Variants in GREB1 observed in about 807,000 individuals in gnomAD.
The protein encoded by GREB1 is protein GREB1.
GREB1 carries 106 observed loss-of-function variants against 200.7 expected under a neutral mutation model. The observed-to-expected ratio is 0.53, with a 90% CI of 0.45 to 0.62. GREB1 has a LOEUF of 0.62. GREB1 is among the 20% of genes least tolerant of loss of function. The pLI is 0.00. For missense variants in GREB1, 2,243 were observed against 2,556.8 expected, an observed-to-expected ratio of 0.88 and a Z score of 2.65; for synonymous variants, 1,132 against 1,092.4, an observed-to-expected ratio of 1.04 and a Z score of -0.72.
chr2:11,579,030 C>T (rs965710930), intron 6 of GREB1, among the ~76,000 whole-genome samples: 4 of 152,222 alleles, frequency 2.6e-5, no homozygotes, highest in Admixed American at 6.5e-5. Context: ...ACTTCCTAAG[C>T]ATGGCGATTG....
At chr2:11,619,046 T>C in intron 22 of GREB1, 127 bp downstream of exon 22, 1 of 961,778 alleles carries the variant, frequency 1.0e-6, no homozygotes, top group Non-Finnish European at 1.5e-6. Flanking sequence ...GGTGGAATCT[T>C]CTCCAATGGC....
chr2:11,595,287 T>A lies in GREB1; in HGVS notation c.1733T>A (p.Leu578His). The A allele has an allele frequency of 6.2e-7, 1 of 1,613,618 alleles. No homozygotes were observed. The highest frequency in any genetic ancestry group is 8.5e-7 in the Non-Finnish European group (1 of 1,179,524). The change falls in exon 12 of 33, where the codon CTC becomes CAC. Residue 578 changes from leucine to histidine, a missense_variant. Coordinates refer to ENST00000381486, the MANE Select transcript of GREB1 (RefSeq NM_014668.4). ...YQARILSESL[L>H]TPAEYQKEVN... Reference sequence around the variant, plus strand: ...GCCCGGATTCTTTCCGAGAGCCTTCTCACTCCTGCGGAGTACCAGAAGGAA... The same window carrying A: ...GCCCGGATTCTTTCCGAGAGCCTTCACACTCCTGCGGAGTACCAGAAGGAA...
chr2:11,576,638 C>A, intron 5 of GREB1, 103 bp downstream of exon 5: 1 of 828,172 alleles, frequency 1.2e-6, no homozygotes, highest in Non-Finnish European at 1.9e-6. Flanking sequence ...CATAGCAGCA[C>A]ACATCACGGG....
chr2:11,635,146 G>A (rs540084310), intron 29 of GREB1, 124 bp from the exon 30 acceptor site: 1 of 1,145,936 alleles, frequency 8.7e-7, no homozygotes, highest in African/African-American at 1.5e-5. Flanking sequence ...CTTGAGGCAA[G>A]AATGAAGCCC....
intron 7 of GREB1, chr2:11,581,231 T>TCAATAAA: frequency 7.2e-6 from 4 of 557,600 alleles, no homozygotes; most frequent in Non-Finnish European, 9.5e-6. Flanking sequence ...TCAGGGGACC[T>TCAATAAA]TGGCCAAGTC....
At chr2:11,507,403 C>CA (rs11400364) in intron 1 of GREB1, among the ~76,000 whole-genome samples, 130,763 of 139,026 alleles carry the variant, frequency 0.94, 61,790 homozygotes, top group South Asian at 0.98. Context: ...AGCAAGACTC[C>CA]AAAAAAAAAA....
chr2:11,589,011 G>A lies in GREB1; in HGVS notation c.1345+80G>A, dbSNP rs560187478. The A allele has an allele frequency of 1.5e-4, 152 of 1,026,326 alleles. 1 individual carries two copies. The African/African-American group carries it at 2.1e-3, about 14-fold the overall frequency. The allele number at this position is 1,026,326 out of a possible 1,614,324, so 63.6% of individuals were successfully genotyped here. A position where few individuals can be genotyped will look rare whatever the true frequency, so the allele number is the denominator to read the frequency against. On this transcript the variant is annotated intron_variant, in intron 10 of 32. Transcript: ENST00000381486. ...CAGACCTGGCCTCGGCCCTCGTGGG[G>A]GCTGACTTGGGCTGCTGGAATTGAA...
chr2:11,508,913 C>G lies in GREB1; in HGVS notation c.-159+26532C>G, dbSNP rs377507376. ...TTTTCGGGACAGAGTCTCGCTCTGT[C>G]GCCCAGGCTGGAGTGCAGTGGCGCG... On this transcript the variant is annotated intron_variant, in intron 1 of 2. Coordinates refer to the GREB1 transcript ENST00000628795. 7.7e-3 allele frequency among the ~76,000 whole-genome samples: 1,103 copies of G among 142,592 alleles called. 18 individuals are homozygous for G. Among genetic ancestry groups the G allele is most frequent in the African/African-American group, 0.028 (1,054 of 37,766 alleles). The allele number at this position is 142,592 out of a possible 152,430, so 93.5% of individuals were successfully genotyped here. A position where few individuals can be genotyped will look rare whatever the true frequency, so the allele number is the denominator to read the frequency against.
At chr2:11,562,966 A>ATCTTTCTT (rs138902381) in intron 3 of GREB1, 23,730 of 156,974 alleles carry the variant, frequency 0.15, 5,340 homozygotes, top group African/African-American at 0.5. Context: ...AGGAGGAATA[A>ATCTTTCTT]TCTTTCTTTC....
At chr2:11,536,790 AG>A (rs5829311) in intron 1 of GREB1, among the ~76,000 whole-genome samples, 36,371 of 152,054 alleles carry the variant, frequency 0.24, 5,927 homozygotes, top group African/African-American at 0.46. Context: ...TAGAAAGCAT[AG>A]TGGGTTCAAA....
chr2:11,581,924 G>A (rs1230774038), intron 7 of GREB1, among the ~76,000 whole-genome samples: 1 of 152,196 alleles, frequency 6.6e-6, no homozygotes, highest in African/African-American at 2.4e-5. Context: ...CAGAATCCGA[G>A]GCCTCCCAAC....
At chr2:11,628,900 G>A (rs1684663086) in intron 25 of GREB1, among the ~76,000 whole-genome samples, 1 of 152,168 alleles carries the variant, frequency 6.6e-6, no homozygotes, top group Admixed American at 6.5e-5. Flanking sequence ...CGGTGAGGGG[G>A]CTTGAAACCA....
Position 11,618,341 on chromosome 2 carries a change from G to C in GREB1, c.3466G>C (p.Glu1156Gln), listed in dbSNP as rs199936103. The C allele has an allele frequency of 4.1e-4, 664 of 1,606,880 alleles. No individual in the cohort carries two copies. The highest frequency in any genetic ancestry group is 4.5e-4 in the Non-Finnish European group (526 of 1,176,074). The change falls in exon 22 of 33, where the codon GAG becomes CAG. Residue 1156 changes from glutamate (E) to glutamine (Q), a missense_variant. By Grantham distance (29) the Glu-to-Gln change is conservative. Transcript: ENST00000381486. Reference sequence around the variant, plus strand: ...TCAGCCCACAGCACTCCCCCAGGGAGAGCATGCCAGGTCGCCCCAGCCCCG... The same window carrying C: ...TCAGCCCACAGCACTCCCCCAGGGACAGCATGCCAGGTCGCCCCAGCCCCG... The part of the protein sequence containing the change: ...SAQPTALPQG[E>Q]HARSPQPRGP...
intron 1 of GREB1, among the ~76,000 whole-genome samples, chr2:11,489,869 CT>C (rs1412847246): frequency 1.3e-5 from 2 of 151,818 alleles, no homozygotes; most frequent in Admixed American, 1.3e-4. Context: ...TCAGAAGTGG[CT>C]TGTTAAGGCT....
chr2:11,636,060 G>A (rs1190428683), intron 30 of GREB1, among the ~76,000 whole-genome samples: 3 of 152,302 alleles, frequency 2.0e-5, no homozygotes, highest in Middle Eastern at 3.4e-3. Flanking sequence ...GTAAACTCCT[G>A]ATGGAGTTAG....
chr2:11,612,433 C>G (rs1241105971), intron 18 of GREB1, 62 bp from the exon 19 acceptor site: 23 of 1,509,908 alleles, frequency 1.5e-5, no homozygotes, highest in Non-Finnish European at 2.0e-5. Flanking sequence ...CAGGATTCCT[C>G]TGAGCTGGGC....
intron 31 of GREB1, 54 bp from the exon 32 acceptor site, chr2:11,638,617 T>C (rs1685569612): frequency 6.4e-6 from 10 of 1,574,022 alleles, no homozygotes; most frequent in African/African-American, 1.4e-5. Flanking sequence ...TAGTATAATG[T>C]TACTGAGCAT....
chr2:11,574,214 G>A (rs1447856766), intron 4 of GREB1, among the ~76,000 whole-genome samples: 1 of 152,238 alleles, frequency 6.6e-6, no homozygotes, highest in South Asian at 2.1e-4. Flanking sequence ...CCTGCCACGT[G>A]TTGGGTATTA....
intron 1 of GREB1, among the ~76,000 whole-genome samples, chr2:11,524,840 T>A (rs1673819382): frequency 6.6e-6 from 1 of 152,130 alleles, no homozygotes; most frequent in Admixed American, 6.5e-5. Context: ...TTTCCTAGGG[T>A]CTTTTGGAGT....
Sources: gnomAD v4.1 joint callset for allele counts (sites outside exome capture counted in the v4.1 genomes callset) on GRCh38, gnomAD v4.1.1 for gene constraint, MANE v1.5 for transcripts, NCBI Gene and HGNC (gene_info 2026-07-23, HGNC 2026-07-21) for gene names.